Variants in PRKN observed in about 807,000 individuals in gnomAD.
The protein encoded by PRKN is parkin RBR E3 ubiquitin protein ligase.
PRKN carries 56 observed loss-of-function variants against 59.5 expected under a neutral mutation model. That is an observed-to-expected ratio of 0.94 (90% confidence interval 0.76 to 1.18). The LOEUF (loss-of-function observed/expected upper bound fraction) is 1.18, where lower values mean the gene tolerates loss of function less well. Ranked by LOEUF, PRKN falls within the 50% of genes most tolerant of loss-of-function variation. The probability of loss-of-function intolerance (pLI) is 0.00; values close to 1 mark genes in which losing one functional copy is unlikely to be tolerated. For synonymous variants in PRKN, 250 were observed against 222.1 expected (o/e 1.13, Z -1.12); for missense variants, 657 against 596.4 (o/e 1.10, Z -1.06).
chr6:162,204,649 G>A (rs1264963954), intron 3 of PRKN, among the ~76,000 whole-genome samples: 1 of 151,908 alleles, frequency 6.6e-6, no homozygotes, highest in Non-Finnish European at 1.5e-5. Flanking sequence ...TCATGTGCCA[G>A]GAGGTTAAGT....
rs994237270 is a variant in PRKN, at chr6:161,581,771, G to A, written c.872-12355C>T. Among the ~76,000 whole-genome samples the A allele has an allele frequency of 1.3e-5, 2 of 152,158 alleles. No individual in the cohort carries two copies. The highest frequency in any genetic ancestry group is 2.4e-5 in the African/African-American group (1 of 41,438). On this transcript the variant is annotated intron_variant, in intron 7 of 11. Coordinates refer to ENST00000366898, the MANE Select transcript of PRKN (RefSeq NM_004562.3). The surrounding 1 kb of genome is among the most constrained non-coding windows in gnomAD (Gnocchi z 4.5). ...CTTAAAGGTGAGGGATGGGAAAGTG[G>A]TCCTGCCGAGCTGCTAGTGCAGAGG...
At chr6:162,699,665 T>C (rs970104142) in intron 1 of PRKN, among the ~76,000 whole-genome samples, 1 of 152,148 alleles carries the variant, frequency 6.6e-6, no homozygotes, top group African/African-American at 2.4e-5. Flanking sequence ...ACTGAAAGAA[T>C]GGTGAAGCCC....
chr6:161,546,741 G>C lies in PRKN; in HGVS notation c.1083+2113C>G, dbSNP rs1401989143. Among the ~76,000 whole-genome samples the C allele has an allele frequency of 6.6e-6, 1 of 152,126 alleles. No individual in the cohort carries two copies. The highest frequency in any genetic ancestry group is 3.4e-3 in the Middle Eastern group (1 of 292). On this transcript the variant is annotated intron_variant, in intron 9 of 11. Transcript: ENST00000366898. The surrounding 1 kb of genome is among the most constrained non-coding windows in gnomAD (Gnocchi z 4.4). ...CTCACTTCTAATGAATAAAGTGAGA[G>C]TGACAGGTGCAGCTTTGGGGATTTG...
intron 1 of PRKN, among the ~76,000 whole-genome samples, chr6:162,667,935 T>C (rs1779166119): frequency 6.6e-6 from 1 of 152,178 alleles, no homozygotes; most frequent in African/African-American, 2.4e-5. Context: ...ACTCAATGAA[T>C]GTTAGGATTT....
intron 9 of PRKN, among the ~76,000 whole-genome samples, chr6:161,425,449 T>C (rs1788299033): frequency 6.6e-6 from 1 of 152,174 alleles, no homozygotes; most frequent in African/African-American, 2.4e-5. Flanking sequence ...AGAGTCTCCA[T>C]TGACTTATTT....
intron 4 of PRKN, among the ~76,000 whole-genome samples, chr6:162,156,489 G>C (rs558695077): frequency 6.6e-6 from 1 of 152,184 alleles, no homozygotes; most frequent in Non-Finnish European, 1.5e-5. Context: ...AATCACAGAT[G>C]TAAGAGTCCA....
At chr6:162,524,034 A>T (rs1490794282) in intron 1 of PRKN, among the ~76,000 whole-genome samples, 2 of 152,114 alleles carry the variant, frequency 1.3e-5, no homozygotes, top group African/African-American at 4.8e-5. Flanking sequence ...TGCCCCCGTT[A>T]TAACTCAGAT....
chr6:161,493,974 C>T (rs1006410172), intron 9 of PRKN, among the ~76,000 whole-genome samples: 1 of 152,170 alleles, frequency 6.6e-6, no homozygotes, highest in African/African-American at 2.4e-5. Context: ...CTCGATCAGC[C>T]GTTTCCAGCA....
intron 1 of PRKN, among the ~76,000 whole-genome samples, chr6:162,701,886 C>CACA (rs1491302116): frequency 2.0e-5 from 1 of 49,366 alleles, no homozygotes; most frequent in African/African-American, 8.6e-5. Flanking sequence ...CACACACACA[C>CACA]CCCCCCGACA....
At chr6:161,716,743 G>T (rs547664806) in intron 7 of PRKN, among the ~76,000 whole-genome samples, 4 of 152,314 alleles carry the variant, frequency 2.6e-5, no homozygotes, top group Non-Finnish European at 5.9e-5. Context: ...CCAAGTGGAC[G>T]CTGGAAGGCA....
intron 4 of PRKN, among the ~76,000 whole-genome samples, chr6:162,124,527 A>G (rs1781044130): frequency 6.6e-6 from 1 of 152,166 alleles, no homozygotes; most frequent in Non-Finnish European, 1.5e-5. Flanking sequence ...TTGAAATGCA[A>G]TTGAAAAGGG....
At chr6:162,370,702 C>G (rs12205958) in intron 2 of PRKN, among the ~76,000 whole-genome samples, 54,888 of 152,044 alleles carry the variant, frequency 0.36, 10,403 homozygotes, top group East Asian at 0.64. Flanking sequence ...ATGTAAAGCA[C>G]TACAAATGAA....
chr6:162,213,680 A>G (rs1289423606), intron 3 of PRKN, among the ~76,000 whole-genome samples: 1 of 152,092 alleles, frequency 6.6e-6, no homozygotes, highest in Non-Finnish European at 1.5e-5. Context: ...GGCTGCAGTG[A>G]GCTAACATGG....
At chr6:161,643,433 G>A (rs980278533) in intron 7 of PRKN, among the ~76,000 whole-genome samples, 2 of 152,104 alleles carry the variant, frequency 1.3e-5, no homozygotes, top group Admixed American at 6.5e-5. Flanking sequence ...TATATACATT[G>A]CTAGGAGAAC....
At chr6:161,411,132 T>C (rs984098601) in intron 9 of PRKN, among the ~76,000 whole-genome samples, 1 of 152,168 alleles carries the variant, frequency 6.6e-6, no homozygotes, top group Non-Finnish European at 1.5e-5. Flanking sequence ...CCTCTGTTTT[T>C]ACTCATGAGA....
intron 9 of PRKN, among the ~76,000 whole-genome samples, chr6:161,508,356 C>T (rs1231579673): frequency 6.6e-6 from 1 of 152,182 alleles, no homozygotes; most frequent in Non-Finnish European, 1.5e-5. Flanking sequence ...TGCCTTTAGG[C>T]AGAACAAGAT....
rs1171745224 is a variant in PRKN at position 162,263,835 on chromosome 6, T to G, written c.172-1070A>C. Among the ~76,000 whole-genome samples, 3 of 151,946 alleles carry G rather than the reference T, an allele frequency of 2.0e-5. No individual in the cohort carries two copies. The East Asian group carries it at 5.8e-4, about 29-fold the overall frequency. On this transcript the variant is annotated intron_variant, in intron 2 of 11. Coordinates refer to ENST00000366898, the MANE Select transcript of PRKN (RefSeq NM_004562.3). ...TGGGCGTGTTAGCGTGCGCCTGTAATCCCAGCTACTCGGGAGGCTGAGGCA... is the reference window on the plus strand; with the variant it reads ...TGGGCGTGTTAGCGTGCGCCTGTAAGCCCAGCTACTCGGGAGGCTGAGGCA...
chr6:162,157,633 A>G (rs1393271972), intron 4 of PRKN, among the ~76,000 whole-genome samples: 1 of 152,064 alleles, frequency 6.6e-6, no homozygotes, highest in Non-Finnish European at 1.5e-5. Context: ...AATGGCCTCA[A>G]TTATACTCTT....
Position 162,214,916 on chromosome 6 carries a change from C to T in PRKN, c.413-13664G>A, listed in dbSNP as rs545101131. 1.6e-4 allele frequency among the ~76,000 whole-genome samples: 24 copies of T among 152,272 alleles called. No homozygotes were observed. The South Asian group carries it at 5.0e-3, about 32-fold the overall frequency. On this transcript the variant is annotated intron_variant, in intron 3 of 11. Coordinates refer to ENST00000366898, the MANE Select transcript of PRKN (RefSeq NM_004562.3). The stretch of plus-strand genomic sequence containing the variant: ...TTGAGGAGAGAGAAGATTGTTAAGG[C>T]TCCAGCTTGGAGTTGTCTCTCAATA...
Sources: allele counts gnomAD v4.1 joint callset (sites outside exome capture counted in the v4.1 genomes callset), GRCh38; gene constraint gnomAD v4.1.1; non-coding constraint Gnocchi (gnomAD v3.1); transcripts MANE v1.5; gene names NCBI Gene and HGNC (gene_info 2026-07-23, HGNC 2026-07-21).